COX7B2: variants seen among roughly 807,000 people sequenced by gnomAD.
COX7B2 encodes the protein cytochrome c oxidase subunit 7B2, mitochondrial.
For synonymous variants in COX7B2, 37 were observed against 32.1 expected, an observed-to-expected ratio of 1.15 and a Z score of -0.51; for missense variants, 109 against 95.9, an observed-to-expected ratio of 1.14 and a Z score of -0.57.
intron 2 of COX7B2, among the ~76,000 whole-genome samples, chr4:46,832,615 A>T (rs1333845011): frequency 6.6e-6 from 1 of 152,102 alleles, no homozygotes; most frequent in Non-Finnish European, 1.5e-5. Context: ...TGTGATTCCC[A>T]ATGTTGGAGG....
At chr4:46,748,428 C>T (rs1273803636) in intron 2 of COX7B2, among the ~76,000 whole-genome samples, 4 of 152,086 alleles carry the variant, frequency 2.6e-5, no homozygotes, top group Non-Finnish European at 5.9e-5. Flanking sequence ...CTGTACACAG[C>T]ATGAGAATAT....
chr4:46,908,992 C>T (rs1039363432), intron 1 of COX7B2, among the ~76,000 whole-genome samples, 168 bp downstream of exon 1: 2 of 151,078 alleles, frequency 1.3e-5, no homozygotes, highest in Non-Finnish European at 2.9e-5. Context: ...TGCAGTGAGC[C>T]GAGATGGCGT....
At chr4:46,905,464 A>C (rs1419215074) in intron 1 of COX7B2, among the ~76,000 whole-genome samples, 2 of 152,192 alleles carry the variant, frequency 1.3e-5, no homozygotes, top group African/African-American at 4.8e-5. Context: ...TTGCAGCCTC[A>C]TCAGGATGCT....
chr4:46,782,873 A>G (rs758967412), intron 2 of COX7B2, among the ~76,000 whole-genome samples: 1 of 152,072 alleles, frequency 6.6e-6, no homozygotes, highest in Non-Finnish European at 1.5e-5. Context: ...TGAACATCTG[A>G]GGGAACCAAC....
intron 2 of COX7B2, among the ~76,000 whole-genome samples, chr4:46,758,946 A>G (rs1163056177): frequency 6.6e-6 from 1 of 152,140 alleles, no homozygotes; most frequent in East Asian, 1.9e-4. Context: ...ACTCTCTCAA[A>G]TCTCAAAACT....
chr4:46,895,922 A>T (rs17641065), intron 1 of COX7B2, among the ~76,000 whole-genome samples: 36,920 of 151,954 alleles, frequency 0.24, 4,691 homozygotes, highest in East Asian at 0.29. Flanking sequence ...CACTTTCACC[A>T]CCTTTATTAT....
intron 2 of COX7B2, among the ~76,000 whole-genome samples, chr4:46,753,474 G>A (rs7437627): frequency 0.32 from 48,316 of 149,896 alleles, 7,972 homozygotes; most frequent in South Asian, 0.47. Context: ...AGGATTCCCT[G>A]TTTAATAAAT....
intron 2 of COX7B2, among the ~76,000 whole-genome samples, chr4:46,841,450 A>G (rs1715922014): frequency 2.0e-5 from 3 of 151,604 alleles, no homozygotes; most frequent in African/African-American, 7.3e-5. Context: ...CCATTTCTTC[A>G]CTCATTCATT....
chr4:46,798,122 C>T (rs1294165937), intron 2 of COX7B2, among the ~76,000 whole-genome samples: 5 of 152,156 alleles, frequency 3.3e-5, no homozygotes, highest in Non-Finnish European at 7.4e-5. Flanking sequence ...AAAAGATTTA[C>T]ATATCACACG....
intron 2 of COX7B2, among the ~76,000 whole-genome samples, chr4:46,744,770 T>C (rs1714922728): frequency 7.5e-6 from 1 of 133,758 alleles, no homozygotes; most frequent in Non-Finnish European, 1.5e-5. Context: ...GGAGACGGAG[T>C]CTCTCTCTGT....
intron 1 of COX7B2, among the ~76,000 whole-genome samples, chr4:46,855,692 A>G (rs1251178450): frequency 6.6e-6 from 1 of 152,164 alleles, no homozygotes; most frequent in Non-Finnish European, 1.5e-5. Flanking sequence ...ATGAAGAGAT[A>G]TGTAATATTT....
chr4:46,849,833 C>T (rs1170182844), intron 1 of COX7B2, among the ~76,000 whole-genome samples: 1 of 151,958 alleles, frequency 6.6e-6, no homozygotes, highest in East Asian at 1.9e-4. Context: ...GCTATCCCTC[C>T]CCGCTCCCCT....
At chr4:46,744,039 T>C (rs1219528990) in intron 2 of COX7B2, among the ~76,000 whole-genome samples, 2 of 152,182 alleles carry the variant, frequency 1.3e-5, no homozygotes, top group Admixed American at 1.3e-4. Context: ...ATTCTAACTT[T>C]GGCAGTTTTA....
At chr4:46,898,335 A>G (rs1289416170) in intron 1 of COX7B2, among the ~76,000 whole-genome samples, 1 of 152,180 alleles carries the variant, frequency 6.6e-6, no homozygotes, top group African/African-American at 2.4e-5. Flanking sequence ...CCAAATCTAT[A>G]TTAGATGCTC....
At chr4:46,834,662 C>A (rs965131906) in intron 2 of COX7B2, among the ~76,000 whole-genome samples, 1 of 152,048 alleles carries the variant, frequency 6.6e-6, no homozygotes, top group African/African-American at 2.4e-5. Flanking sequence ...TGATTGTTAT[C>A]TTGCCTTATC....
chr4:46,812,054 T>C (rs1012062204), intron 2 of COX7B2, among the ~76,000 whole-genome samples: 1 of 152,142 alleles, frequency 6.6e-6, no homozygotes. Context: ...GGGTCTGATA[T>C]GGCTTTCAAG....
chr4:46,876,183 C>T (rs182377474), intron 1 of COX7B2, among the ~76,000 whole-genome samples: 1 of 152,176 alleles, frequency 6.6e-6, no homozygotes, highest in East Asian at 1.9e-4. Context: ...TACAACTGTA[C>T]TAGCTGTACA....
chr4:46,842,633 TG>T (rs2109758646), intron 2 of COX7B2, among the ~76,000 whole-genome samples: 1 of 151,364 alleles, frequency 6.6e-6, no homozygotes, highest in South Asian at 2.1e-4. Context: ...TTCCCACCTA[TG>T]AGTGAGAACA....
chr4:46,806,587 C>T lies in COX7B2; in HGVS notation c.-50+38373G>A, dbSNP rs577381383. ...TTTAGCATGAATCCTGTATACAATA[C>T]AATTTTACTGCCTATAGTCATTATG... On this transcript the variant is annotated intron_variant, in intron 2 of 2. Coordinates refer to ENST00000355591, the MANE Select transcript of COX7B2 (RefSeq NM_130902.3). Among the ~76,000 whole-genome samples, 4 of 152,138 alleles carry T rather than the reference C, an allele frequency of 2.6e-5. No individual in the cohort carries two copies. The South Asian group carries it at 8.3e-4, about 32-fold the overall frequency.
Sources: allele counts gnomAD v4.1 joint callset (sites outside exome capture counted in the v4.1 genomes callset), GRCh38; gene constraint gnomAD v4.1.1; transcripts MANE v1.5; gene names NCBI Gene and HGNC (gene_info 2026-07-23, HGNC 2026-07-21).